MED13L: variants seen among roughly 807,000 people sequenced by gnomAD.
MED13L encodes the protein mediator complex subunit 13L.
In MED13L, 7 loss-of-function variants were observed where a neutral mutation model predicts 220.9. The ratio of observed to expected loss-of-function variants is 0.03; its 90% CI spans 0.02 to 0.06. MED13L has a LOEUF of 0.06. Ranked by LOEUF, MED13L falls within the 10% of genes least tolerant of loss-of-function variation. The pLI, the probability that MED13L is intolerant of heterozygous loss-of-function variation, is 1.00. For missense variants in MED13L, 1,965 were observed against 2,760.5 expected (o/e 0.71, Z 6.46); for synonymous variants, 1,011 against 1,015.2 (o/e 1.00, Z 0.08).
rs142772769 is a variant in MED13L at position 115,966,900 on chromosome 12, G to A, written c.6226-657C>T. On this transcript the variant is annotated intron_variant, in intron 28 of 30. Transcript: ENST00000281928. ...AAAAGTCTCTGTTTATGCTGGGTGC[G>A]GTGGCTCACACCTGTAATCCCAGCA... Among the ~76,000 whole-genome samples the A allele has an allele frequency of 4.7e-3, 721 of 152,100 alleles. 20 individuals carry two copies. The highest frequency in any genetic ancestry group is 0.019 in the East Asian group (99 of 5,184).
intron 8 of MED13L, among the ~76,000 whole-genome samples, chr12:116,013,514 T>C (rs757854474): frequency 6.6e-6 from 1 of 152,172 alleles, no homozygotes; most frequent in Non-Finnish European, 1.5e-5. Flanking sequence ...CCCCAAGATA[T>C]CTCATTATGT....
chr12:115,983,674 T>C lies in MED13L; in HGVS notation c.4532-134A>G. 4 of 940,474 alleles carry C rather than the reference T, an allele frequency of 4.3e-6. No homozygotes were observed. In the South Asian group the frequency reaches 5.6e-5, roughly 13 times the overall value. 58.3% of individuals were successfully genotyped at this position (940,474 alleles called of 1,614,324 possible). A position where few individuals can be genotyped will look rare whatever the true frequency, so the allele number is the denominator to read the frequency against. ...ACTCTGATTACAATACCCAAAATAC[T>C]ATCTCCACAGTCATGCTTATGTATT... is the stretch of plus-strand genomic sequence containing the variant. On this transcript the variant is annotated intron_variant, in intron 20 of 30. Coordinates refer to ENST00000281928, the MANE Select transcript of MED13L (RefSeq NM_015335.5).
At chr12:116,254,488 C>T (rs547492794) in intron 1 of MED13L, among the ~76,000 whole-genome samples, 1 of 152,036 alleles carries the variant, frequency 6.6e-6, no homozygotes, top group Admixed American at 6.5e-5. Context: ...GTGGCTCACA[C>T]CTGTAATCCT....
intron 24 of MED13L, 92 bp downstream of exon 24, chr12:115,975,423 C>T (rs1396122942): frequency 5.7e-6 from 9 of 1,592,356 alleles, no homozygotes; most frequent in Non-Finnish European, 7.7e-6. Context: ...CATGCTGTAC[C>T]CACTTCATTT....
At chr12:116,065,004 G>A (rs1160452247) in intron 4 of MED13L, among the ~76,000 whole-genome samples, 1 of 152,128 alleles carries the variant, frequency 6.6e-6, no homozygotes. Context: ...ATCACTAAGT[G>A]ATTTCATTGC....
At chr12:116,019,747 A>G in intron 6 of MED13L, 31 bp downstream of exon 6, 2 of 1,582,492 alleles carry the variant, frequency 1.3e-6, no homozygotes, top group Non-Finnish European at 1.7e-6. Flanking sequence ...GAAGAAGAAT[A>G]AAGTTCTTCA....
rs1287344669 is a variant in MED13L at position 116,031,715 on chromosome 12, GAAAA to G, written c.480-9118_480-9115del. ...GAAAAGAAAAGAAAAGAAAAGAAAA[GAAAA>G]GAAAAGAAAAGAAAAGAAAAGAAAA... On this transcript the variant is annotated intron_variant, in intron 4 of 30. Transcript: ENST00000281928. Among the ~76,000 whole-genome samples the G allele has an allele frequency of 3.3e-3, 152 of 46,388 alleles. 5 individuals are homozygous for G. Among genetic ancestry groups the G allele is most frequent in the Admixed American group, 4.5e-3 (15 of 3,324 alleles). The allele number at this position is 46,388 out of a possible 152,430, so 30.4% of individuals were successfully genotyped here. A position where few individuals can be genotyped will look rare whatever the true frequency, so the allele number is the denominator to read the frequency against.
chr12:116,002,595 T>C (rs1252339249), intron 14 of MED13L, among the ~76,000 whole-genome samples: 1 of 152,102 alleles, frequency 6.6e-6, no homozygotes, highest in African/African-American at 2.4e-5. Flanking sequence ...ACCACTGAAA[T>C]CAAATATCCA....
intron 2 of MED13L, chr12:116,230,342 A>G (rs757929441): frequency 6.6e-6 from 2 of 305,040 alleles, no homozygotes; most frequent in Non-Finnish European, 9.6e-6. Flanking sequence ...AGAGGCTGCC[A>G]TGAGCCAAGA....
chr12:115,965,968 G>C, intron 29 of MED13L, 114 bp downstream of exon 29: 1 of 1,338,880 alleles, frequency 7.5e-7, no homozygotes, highest in Non-Finnish European at 1.1e-6. Context: ...AGATACAAGA[G>C]AAAAAAGGAA....
intron 1 of MED13L, among the ~76,000 whole-genome samples, chr12:116,256,682 CTTTTTTTTTTTT>C (rs35608298): frequency 1.0e-5 from 1 of 96,236 alleles, no homozygotes; most frequent in African/African-American, 4.1e-5. Context: ...AAACAAACTA[CTTTTTTTTTTTT>C]TTTTTTTTTT....
chr12:116,058,646 AG>A (rs1456298552), intron 4 of MED13L, among the ~76,000 whole-genome samples: 1 of 152,242 alleles, frequency 6.6e-6, no homozygotes, highest in Non-Finnish European at 1.5e-5. Flanking sequence ...CCTTTCTTGC[AG>A]AGATAAGTTG....
intron 2 of MED13L, among the ~76,000 whole-genome samples, chr12:116,167,796 C>T (rs189267274): frequency 6.6e-6 from 1 of 152,118 alleles, no homozygotes; most frequent in Admixed American, 6.5e-5. Context: ...CTAACATTTC[C>T]TTTTGACATG....
chr12:116,079,723 G>C (rs936245751), intron 4 of MED13L, among the ~76,000 whole-genome samples: 2 of 152,062 alleles, frequency 1.3e-5, no homozygotes, highest in African/African-American at 4.8e-5. Context: ...TTTTTGTAGA[G>C]ACAGGGTTTT....
intron 1 of MED13L, among the ~76,000 whole-genome samples, chr12:116,260,567 G>C (rs1242452804): frequency 6.6e-6 from 1 of 152,070 alleles, no homozygotes; most frequent in African/African-American, 2.4e-5. Flanking sequence ...AAAAAATATT[G>C]TGCACTCAGA....
chr12:116,123,394 T>C (rs1198880589), intron 2 of MED13L, among the ~76,000 whole-genome samples: 1 of 152,208 alleles, frequency 6.6e-6, no homozygotes, highest in Admixed American at 6.5e-5. Flanking sequence ...TTAGAACATA[T>C]ACATTTAAAT....
chr12:116,074,210 C>T (rs1870604577), intron 4 of MED13L, among the ~76,000 whole-genome samples: 1 of 152,158 alleles, frequency 6.6e-6, no homozygotes, highest in Admixed American at 6.5e-5. Flanking sequence ...ACCTGGCCAG[C>T]ATGGCAAAAC....
At chr12:116,192,986 C>A (rs962762509) in intron 2 of MED13L, among the ~76,000 whole-genome samples, 2 of 152,058 alleles carry the variant, frequency 1.3e-5, no homozygotes, top group African/African-American at 4.8e-5. Flanking sequence ...CAAAAACTTA[C>A]GCATGGTGGC....
At position 115,963,421 on chromosome 12, in the gene MED13L, C is replaced by T. The variant is rs763493523; in HGVS notation, c.6486G>A (p.Thr2162=). ...RVPHPLDSKT[T]SDVLRFVLEQ... ...TTGGTATCTACCTTAAAACATCCGA[C>T]GTGGTTTTGGAGTCAAGAGGGTGTG... Residue 2162 remains threonine (T), a synonymous_variant, in exon 30 of 31, where the codon ACG becomes ACA. Transcript: ENST00000281928. The T allele has an allele frequency of 2.9e-5, 46 of 1,612,034 alleles. No homozygotes were observed. The highest frequency in any genetic ancestry group is 3.7e-5 in the Non-Finnish European group (44 of 1,178,194).
Sources: gnomAD v4.1 joint callset for allele counts (sites outside exome capture counted in the v4.1 genomes callset) on GRCh38, gnomAD v4.1.1 for gene constraint, MANE v1.5 for transcripts, NCBI Gene and HGNC (gene_info 2026-07-23, HGNC 2026-07-21) for gene names.